Variants in RP1L1 observed in about 807,000 individuals in gnomAD.
The protein encoded by RP1L1 is RP1 like 1.
RP1L1 carries 27 observed loss-of-function variants against 15.7 expected under a neutral mutation model. The observed-to-expected ratio is 1.72, with a 90% CI of 1.27 to 2.38. The LOEUF is 2.38. Ranked by LOEUF, RP1L1 falls within the 30% of genes most tolerant of loss-of-function variation. RP1L1 has a pLI of 0.00. For missense variants in RP1L1, 4,798 were observed against 3,075.9 expected (o/e 1.56, Z -13.24); for synonymous variants, 1,813 against 1,276.7 (o/e 1.42, Z -8.96).
At chr8:10,619,896 G>C (rs1369001172) in intron 2 of RP1L1, among the ~76,000 whole-genome samples, 1 of 150,516 alleles carries the variant, frequency 6.6e-6, no homozygotes. Context: ...AGGGGGCAGA[G>C]GTTGCAGTGA....
intron 1 of RP1L1, among the ~76,000 whole-genome samples, chr8:10,627,262 C>G (rs908172692): frequency 6.6e-5 from 10 of 152,104 alleles, no homozygotes; most frequent in Non-Finnish European, 1.2e-4. Context: ...AACAGATTAA[C>G]AAAATGCGAT....
chr8:10,634,883 G>C (rs1798305973), intron 1 of RP1L1, among the ~76,000 whole-genome samples: 2 of 152,136 alleles, frequency 1.3e-5, no homozygotes, highest in African/African-American at 4.8e-5. Flanking sequence ...GGGACACCAA[G>C]GGTCCTTGCC....
chr8:10,610,257 C>T lies in RP1L1; in HGVS notation c.3841G>A (p.Glu1281Lys). Reference protein sequence around the residue: ...TNEDEAERDSEEQRASSNLEQ... With the variant: ...TNEDEAERDSKEQRASSNLEQ... The stretch of plus-strand genomic sequence containing the variant: ...AGGTTCGAGCTCGCCCTCTGCTCCT[C>T]ACTGTCTCTTTCTGCTTCATCCTCA... Residue 1281 changes from glutamate to lysine, a missense_variant, in exon 4 of 4, where the codon GAG (glutamate) becomes AAG (lysine). Glu to Lys is a moderately conservative substitution (Grantham distance 56). Transcript: ENST00000382483. The T allele has an allele frequency of 1.9e-6, 3 of 1,614,204 alleles. No homozygotes were observed. The highest frequency in any genetic ancestry group is 2.5e-6 in the Non-Finnish European group (3 of 1,180,044).
intron 1 of RP1L1, among the ~76,000 whole-genome samples, chr8:10,650,120 G>C (rs1445948993): frequency 6.6e-6 from 1 of 152,144 alleles, no homozygotes; most frequent in Non-Finnish European, 1.5e-5. Flanking sequence ...TTGCTTCTGG[G>C]GATTGTCACG....
chr8:10,622,549 T>C, intron 2 of RP1L1, 44 bp downstream of exon 2: 1 of 1,613,562 alleles, frequency 6.2e-7, no homozygotes, highest in Non-Finnish European at 8.5e-7. Flanking sequence ...TGACCTCAGG[T>C]CTAAAGAACC....
At chr8:10,623,362 G>A (rs1198545029) in intron 1 of RP1L1, 142 bp from the exon 2 acceptor site, 2 of 686,948 alleles carry the variant, frequency 2.9e-6, no homozygotes, top group African/African-American at 1.8e-5. Flanking sequence ...AATCTATTTG[G>A]ATGGAACAGA....
rs751532278 is a variant in RP1L1, at chr8:10,606,787, A to G, written c.*108T>C. 5.1e-6 allele frequency: 8 copies of G among 1,569,072 alleles called. No individual in the cohort carries two copies. The highest frequency in any genetic ancestry group is 6.9e-6 in the Non-Finnish European group (8 of 1,163,334). On this transcript the variant is annotated 3_prime_UTR_variant, in exon 4 of 4. Coordinates refer to ENST00000382483, the MANE Select transcript of RP1L1 (RefSeq NM_178857.6). Reference sequence around the variant, plus strand: ...CTTGGCAAGTCCTTGGTCTTTGTCCATGTACTATGGACATCTCCAGTGGAC... The same window carrying G: ...CTTGGCAAGTCCTTGGTCTTTGTCCGTGTACTATGGACATCTCCAGTGGAC...
At chr8:10,632,845 G>A (rs562776578) in intron 1 of RP1L1, among the ~76,000 whole-genome samples, 1 of 152,310 alleles carries the variant, frequency 6.6e-6, no homozygotes, top group African/African-American at 2.4e-5. Flanking sequence ...TGATGGCTCT[G>A]ACACAACTCA....
chr8:10,611,151 C>A lies in RP1L1; in HGVS notation c.2947G>T (p.Ala983Ser). The A allele has an allele frequency of 1.2e-6, 2 of 1,612,982 alleles. No homozygotes were observed. The highest frequency in any genetic ancestry group is 1.1e-5 in the South Asian group (1 of 91,090). Residue 983 changes from alanine to serine, a missense_variant, in exon 4 of 4, where the codon GCT becomes TCT. Ala to Ser is a moderately conservative substitution (Grantham distance 99). Transcript: ENST00000382483. ...YELADETTGAAGGGLRGPEVD... is the reference protein window; with the variant it reads ...YELADETTGASGGGLRGPEVD... ...TCGGGGCCTCTCAGGCCACCCCCAG[C>A]TGCACCTGTGGTCTCGTCCGCCAAC...
Position 10,616,510 on chromosome 8 carries a change from G to C in RP1L1, c.687C>G (p.Ala229=), listed in dbSNP as rs1324123361. 3 of 1,614,198 alleles carry C rather than the reference G, an allele frequency of 1.9e-6. No homozygotes were observed. Among genetic ancestry groups the C allele is most frequent in the Admixed American group, 1.7e-5 (1 of 60,030 alleles). Reference sequence around the variant, plus strand: ...CCTCGCTTCTCCTGGCATTTTTCATGGCTGGGGTTCTGAAGGCCTCATGCC... The same window carrying C: ...CCTCGCTTCTCCTGGCATTTTTCATCGCTGGGGTTCTGAAGGCCTCATGCC... ...CAGHEAFRTP[A]MKNARRSEAE... The change falls in exon 3 of 4, where the codon GCC becomes GCG. Residue 229 remains alanine, a synonymous_variant. Coordinates refer to ENST00000382483, the MANE Select transcript of RP1L1 (RefSeq NM_178857.6).
intron 1 of RP1L1, among the ~76,000 whole-genome samples, chr8:10,624,466 C>T (rs1273001957): frequency 1.3e-5 from 2 of 152,186 alleles, no homozygotes; most frequent in East Asian, 3.9e-4. Flanking sequence ...GGAAGTCCTC[C>T]TGGAGGAGGT....
In RP1L1 at chr8:10,650,552, TC is replaced by T. The variant is rs898668593; in HGVS notation, c.-20+4345del. ...AGTCATAAGAGCAAGACTCCGTAGT[TC>T]TTTTTTTTTTTTTTTTTAATTGAGA... is the stretch of plus-strand genomic sequence containing the variant. On this transcript the variant is annotated intron_variant, in intron 1 of 3. Transcript: ENST00000382483. Among the ~76,000 whole-genome samples the T allele has an allele frequency of 5.0e-4, 73 of 146,526 alleles. No homozygotes were observed. In the East Asian group the frequency reaches 0.014, roughly 27 times the overall value.
chr8:10,613,123 C>G lies in RP1L1; in HGVS notation c.975G>C (p.Met325Ile). The change falls in exon 4 of 4, where the codon ATG (methionine) becomes ATC (isoleucine). Residue 325 changes from methionine (M) to isoleucine (I), a missense_variant. Physicochemically the swap from Met to Ile is conservative, Grantham distance 10. Coordinates refer to ENST00000382483, the MANE Select transcript of RP1L1 (RefSeq NM_178857.6). Reference protein sequence around the residue: ...MNEDGSLSVEMKVRFHLVGED... With the variant: ...MNEDGSLSVEIKVRFHLVGED... ...CGCCGACCAGGTGGAAGCGGACTTTCATCTCCACGGACAGGCTGCCGTCCT... is the reference window on the plus strand; with the variant it reads ...CGCCGACCAGGTGGAAGCGGACTTTGATCTCCACGGACAGGCTGCCGTCCT... 1 of 1,613,970 alleles carries G rather than the reference C, an allele frequency of 6.2e-7. No homozygotes were observed. The highest frequency in any genetic ancestry group is 8.5e-7 in the Non-Finnish European group (1 of 1,180,036).
chr8:10,607,111 C>T lies in RP1L1; in HGVS notation c.6987G>A (p.Lys2329=). 6.2e-7 allele frequency: 1 copy of T among 1,614,242 alleles called. No homozygotes were observed. The highest frequency in any genetic ancestry group is 1.7e-5 in the Admixed American group (1 of 60,032). Residue 2329 remains lysine (K), a synonymous_variant, in exon 4 of 4, where the codon AAG becomes AAA. Transcript: ENST00000382483. ...TCTCTGCATGAGGGGTCCCCGTGGACTTGGCATCAGGGCTCCTTGTGTCTC... is the reference window on the plus strand; with the variant it reads ...TCTCTGCATGAGGGGTCCCCGTGGATTTGGCATCAGGGCTCCTTGTGTCTC... ...VLGDTRSPDA[K]STGTPHAERK...
At chr8:10,630,072 TCA>T (rs1798218090) in intron 1 of RP1L1, among the ~76,000 whole-genome samples, 1 of 152,136 alleles carries the variant, frequency 6.6e-6, no homozygotes, top group Admixed American at 6.5e-5. Flanking sequence ...CCTTCAGAGC[TCA>T]GTCATGAGGG....
At chr8:10,639,983 T>A (rs1306939345) in intron 1 of RP1L1, among the ~76,000 whole-genome samples, 1 of 152,268 alleles carries the variant, frequency 6.6e-6, no homozygotes, top group Non-Finnish European at 1.5e-5. Context: ...CTATTTATTG[T>A]ATTTACAGGG....
chr8:10,651,863 A>T (rs1030027883), intron 1 of RP1L1, among the ~76,000 whole-genome samples: 3 of 152,102 alleles, frequency 2.0e-5, no homozygotes, highest in Admixed American at 6.6e-5. Flanking sequence ...CATTTCTGTC[A>T]ATGACAGACC....
chr8:10,622,335 CAA>C (rs34315849), intron 2 of RP1L1, among the ~76,000 whole-genome samples: 85 of 102,188 alleles, frequency 8.3e-4, no homozygotes, highest in African/African-American at 1.7e-3. Context: ...AAAACAAAGC[CAA>C]AAAAAAAAAA....
At chr8:10,636,142 G>A (rs978960605) in intron 1 of RP1L1, among the ~76,000 whole-genome samples, 1 of 152,222 alleles carries the variant, frequency 6.6e-6, no homozygotes, top group Non-Finnish European at 1.5e-5. Flanking sequence ...TGACTTATTT[G>A]CAACGCAGTT....
Sources: allele counts gnomAD v4.1 joint callset (sites outside exome capture counted in the v4.1 genomes callset), GRCh38; gene constraint gnomAD v4.1.1; transcripts MANE v1.5; gene names NCBI Gene and HGNC (gene_info 2026-07-23, HGNC 2026-07-21).